Variants in SGCZ observed in about 807,000 individuals in gnomAD.
SGCZ encodes zeta-sarcoglycan.
Under a neutral mutation model 41.3 loss-of-function variants are expected in SGCZ, and 40 were observed. The observed-to-expected ratio is 0.97, with a 90% CI of 0.75 to 1.26. The LOEUF is 1.26. SGCZ is among the 50% of genes most tolerant of loss of function. SGCZ has a pLI of 0.00. For missense variants in SGCZ, 552 were observed against 369.8 expected (o/e 1.49, Z -4.04); for synonymous variants, 206 against 137.5 (o/e 1.50, Z -3.49).
At chr8:14,931,477 A>G (rs923210265) in intron 1 of SGCZ, among the ~76,000 whole-genome samples, 7 of 152,022 alleles carry the variant, frequency 4.6e-5, no homozygotes, top group African/African-American at 1.7e-4. Context: ...CATTATTTCA[A>G]TTCTCTCATT....
At chr8:14,357,947 G>A (rs185091120) in intron 2 of SGCZ, among the ~76,000 whole-genome samples, 2 of 152,280 alleles carry the variant, frequency 1.3e-5, no homozygotes, top group African/African-American at 2.4e-5. Flanking sequence ...ACTTTCTTGA[G>A]CACAGAAGAA....
intron 1 of SGCZ, among the ~76,000 whole-genome samples, chr8:15,226,032 G>T (rs769949189): frequency 4.6e-5 from 7 of 152,162 alleles, no homozygotes; most frequent in African/African-American, 1.7e-4. Context: ...AACTTCTACT[G>T]AAAGACTAAG....
intron 2 of SGCZ, among the ~76,000 whole-genome samples, chr8:14,539,060 C>A (rs967083497): frequency 6.6e-6 from 1 of 151,950 alleles, no homozygotes; most frequent in Non-Finnish European, 1.5e-5. Context: ...TTGAGTAAAG[C>A]AGATTATCTT....
intron 1 of SGCZ, among the ~76,000 whole-genome samples, chr8:14,556,100 T>C (rs1015617674): frequency 2.6e-5 from 4 of 151,826 alleles, no homozygotes; most frequent in Admixed American, 6.6e-5. Context: ...GAAATATGGA[T>C]AAGAAGAGTA....
chr8:14,258,181 G>C (rs1799532305), intron 3 of SGCZ, among the ~76,000 whole-genome samples: 1 of 152,126 alleles, frequency 6.6e-6, no homozygotes. Flanking sequence ...TAAACAATCA[G>C]TTTTATATCT....
intron 2 of SGCZ, among the ~76,000 whole-genome samples, chr8:14,473,362 A>C (rs910072227): frequency 6.6e-6 from 1 of 152,184 alleles, no homozygotes; most frequent in Non-Finnish European, 1.5e-5. Context: ...GATTAAACCA[A>C]AGTTCTTTAA....
chr8:14,888,475 G>A (rs907458247), intron 1 of SGCZ, among the ~76,000 whole-genome samples: 1 of 152,082 alleles, frequency 6.6e-6, no homozygotes, highest in South Asian at 2.1e-4. Flanking sequence ...AGAAGTGAAA[G>A]AATATAGAAA....
chr8:14,511,071 C>G (rs755973759), intron 2 of SGCZ, among the ~76,000 whole-genome samples: 89 of 152,010 alleles, frequency 5.9e-4, no homozygotes, highest in Non-Finnish European at 8.2e-4. Context: ...ACCCAAATCA[C>G]TAGGTGAATT....
intron 1 of SGCZ, among the ~76,000 whole-genome samples, chr8:14,882,205 G>C (rs1804617652): frequency 6.6e-6 from 1 of 152,162 alleles, no homozygotes; most frequent in African/African-American, 2.4e-5. Flanking sequence ...AATCCCTAAT[G>C]GGACTGACAT....
At chr8:14,688,275 T>A (rs1413119723) in intron 1 of SGCZ, among the ~76,000 whole-genome samples, 1 of 152,218 alleles carries the variant, frequency 6.6e-6, no homozygotes, top group African/African-American at 2.4e-5. Context: ...TGCCCATGCC[T>A]ATGTCCTGAA....
chr8:14,703,377 A>G (rs540309204), intron 1 of SGCZ, among the ~76,000 whole-genome samples: 1 of 151,956 alleles, frequency 6.6e-6, no homozygotes, highest in African/African-American at 2.4e-5. Context: ...TCTGTATTCC[A>G]CATATTTGCA....
At chr8:14,099,358 A>T (rs1431900944) in intron 7 of SGCZ, among the ~76,000 whole-genome samples, 1 of 152,198 alleles carries the variant, frequency 6.6e-6, no homozygotes, top group African/African-American at 2.4e-5. Context: ...GTCACAGTCC[A>T]GTGTCTTTCC....
chr8:14,358,342 G>C (rs1009060037), intron 2 of SGCZ, among the ~76,000 whole-genome samples: 2 of 152,144 alleles, frequency 1.3e-5, no homozygotes, highest in Non-Finnish European at 2.9e-5. Context: ...GCACAACTAA[G>C]TGGCAAATGT....
chr8:14,200,523 G>T (rs1055282544), intron 4 of SGCZ, among the ~76,000 whole-genome samples: 5 of 152,118 alleles, frequency 3.3e-5, no homozygotes, highest in Non-Finnish European at 7.4e-5. Flanking sequence ...ATAGGATAAG[G>T]TAGAGAGCCC....
chr8:14,396,337 T>G (rs1798918378), intron 2 of SGCZ, among the ~76,000 whole-genome samples: 1 of 146,702 alleles, frequency 6.8e-6, no homozygotes, highest in African/African-American at 2.7e-5. Context: ...AACTTCTTAT[T>G]GCCACTAATA....
intron 5 of SGCZ, among the ~76,000 whole-genome samples, chr8:14,151,760 A>G (rs1348807666): frequency 6.6e-6 from 1 of 152,142 alleles, no homozygotes; most frequent in African/African-American, 2.4e-5. Context: ...AAAGACAGAT[A>G]TTCTGATTCA....
At chr8:14,961,043 C>T (rs1033899139) in intron 1 of SGCZ, among the ~76,000 whole-genome samples, 2 of 151,798 alleles carry the variant, frequency 1.3e-5, no homozygotes, top group Non-Finnish European at 2.9e-5. Context: ...CATGGACGTC[C>T]TTTTATGTGC....
intron 2 of SGCZ, among the ~76,000 whole-genome samples, chr8:14,459,776 C>T (rs1295041793): frequency 6.6e-6 from 1 of 152,152 alleles, no homozygotes; most frequent in Non-Finnish European, 1.5e-5. Context: ...CTCACATCCT[C>T]ACCCCAACCA....
chr8:14,887,515 C>T (rs1240327606), intron 1 of SGCZ, among the ~76,000 whole-genome samples: 1 of 152,060 alleles, frequency 6.6e-6, no homozygotes, highest in Non-Finnish European at 1.5e-5. Flanking sequence ...GGGTTAAATA[C>T]TAAAATGAAA....
Sources: allele counts gnomAD v4.1 joint callset (sites outside exome capture counted in the v4.1 genomes callset), GRCh38; gene constraint gnomAD v4.1.1; transcripts MANE v1.5; gene names NCBI Gene and HGNC (gene_info 2026-07-23, HGNC 2026-07-21).